The following FRAS1 variants were observed in gnomAD, a reference collection of about 807,000 sequenced individuals.
The protein encoded by FRAS1 is Fraser extracellular matrix complex subunit 1.
Under a neutral mutation model 435.2 loss-of-function variants are expected in FRAS1, and 290 were observed. That is an observed-to-expected ratio of 0.67 (90% CI 0.61 to 0.73). The LOEUF (loss-of-function observed/expected upper bound fraction) is 0.73, where lower values mean the gene tolerates loss of function less well. FRAS1 is among the 30% of genes least tolerant of loss of function. FRAS1 has a pLI of 0.00. For synonymous variants in FRAS1, 1,800 were observed against 1,851.0 expected (o/e 0.97, Z 0.71); for missense variants, 4,860 against 5,001.5 (o/e 0.97, Z 0.85).
chr4:78,488,255 A>C (rs1191274466), intron 58 of FRAS1, among the ~76,000 whole-genome samples: 1 of 152,174 alleles, frequency 6.6e-6, no homozygotes. Context: ...TCTTTTCACT[A>C]TTTTATTTGT....
At chr4:78,434,681 T>G (rs1378886951) in intron 38 of FRAS1, among the ~76,000 whole-genome samples, 2 of 151,954 alleles carry the variant, frequency 1.3e-5, no homozygotes, top group African/African-American at 4.8e-5. Context: ...AAGGAGAATT[T>G]ATCAAGGAGC....
At chr4:78,362,524 G>T (rs1731113093) in intron 20 of FRAS1, among the ~76,000 whole-genome samples, 1 of 152,194 alleles carries the variant, frequency 6.6e-6, no homozygotes, top group Non-Finnish European at 1.5e-5. Flanking sequence ...GCCAAACCAG[G>T]CATGTTGCCT....
At chr4:78,400,995 T>C in intron 30 of FRAS1, 108 bp downstream of exon 30, 2 of 935,776 alleles carry the variant, frequency 2.1e-6, no homozygotes, top group Non-Finnish European at 3.2e-6. Flanking sequence ...AACTGAGCTT[T>C]CTAATACCTT....
At chr4:78,335,608 A>G (rs561196450) in intron 19 of FRAS1, among the ~76,000 whole-genome samples, 2 of 152,324 alleles carry the variant, frequency 1.3e-5, no homozygotes, top group Admixed American at 1.3e-4. Flanking sequence ...GATTATCTTC[A>G]TCATGGAGAC....
At chr4:78,277,820 T>TTC (rs1335602249) in intron 9 of FRAS1, among the ~76,000 whole-genome samples, 1 of 149,562 alleles carries the variant, frequency 6.7e-6, no homozygotes, top group Admixed American at 6.6e-5. Context: ...CACTTATAAT[T>TTC]TTTTTTTTTT....
At chr4:78,290,146 A>G (rs986567339) in intron 14 of FRAS1, among the ~76,000 whole-genome samples, 1 of 152,222 alleles carries the variant, frequency 6.6e-6, no homozygotes, top group Non-Finnish European at 1.5e-5. Context: ...ACCATGTAAG[A>G]TTATGTTAAA....
At chr4:78,210,649 T>C (rs1723464828) in intron 2 of FRAS1, among the ~76,000 whole-genome samples, 1 of 152,186 alleles carries the variant, frequency 6.6e-6, no homozygotes, top group Non-Finnish European at 1.5e-5. Flanking sequence ...GGATGGCTCA[T>C]GTGTCATTGT....
chr4:78,083,840 C>A (rs766967746), intron 2 of FRAS1, among the ~76,000 whole-genome samples: 1 of 151,774 alleles, frequency 6.6e-6, no homozygotes, highest in South Asian at 2.1e-4. Flanking sequence ...CATTAGAGAC[C>A]GGCAAAATGT....
At chr4:78,138,960 C>T (rs574332455) in intron 2 of FRAS1, among the ~76,000 whole-genome samples, 228 of 152,254 alleles carry the variant, frequency 1.5e-3, no homozygotes, top group African/African-American at 5.0e-3. Flanking sequence ...ACTTCTCTTG[C>T]GTGTGTGTAC....
At chr4:78,295,473 A>C (rs1728104007) in intron 14 of FRAS1, among the ~76,000 whole-genome samples, 1 of 152,110 alleles carries the variant, frequency 6.6e-6, no homozygotes, top group Non-Finnish European at 1.5e-5. Flanking sequence ...TTTAATTTTT[A>C]TCTTTTACCT....
At chr4:78,425,108 T>G (rs200242865) in intron 35 of FRAS1, among the ~76,000 whole-genome samples, 4 of 148,666 alleles carry the variant, frequency 2.7e-5, no homozygotes, top group Admixed American at 6.7e-5. Context: ...GGGATAATAA[T>G]AATAATAATA....
chr4:78,534,353 C>G lies in FRAS1; in HGVS notation c.10926-96C>G, dbSNP rs1197581283. On this transcript the variant is annotated intron_variant, in intron 70 of 73. Transcript: ENST00000512123. ...AGTGCCCACAACAAAGCTCTGTGTA[C>G]AATCCTGTGGAGGGTGGGGAAGGGA... 5.2e-6 allele frequency: 5 copies of G among 967,948 alleles called. No individual in the cohort carries two copies. The East Asian group carries it at 1.2e-4, about 23-fold the overall frequency. 60.0% of individuals were successfully genotyped at this position (967,948 alleles called of 1,614,324 possible).
chr4:78,095,989 T>G (rs1243914255), intron 2 of FRAS1, among the ~76,000 whole-genome samples: 1 of 152,156 alleles, frequency 6.6e-6, no homozygotes, highest in African/African-American at 2.4e-5. Context: ...GTCCAAAGTT[T>G]CATCTGAGAC....
intron 72 of FRAS1, among the ~76,000 whole-genome samples, chr4:78,537,945 CAAAAAAAAAAAAG>C (rs990672299): frequency 1.1e-5 from 1 of 91,420 alleles, no homozygotes; most frequent in Non-Finnish European, 2.3e-5. Context: ...GACCCTATCT[CAAAAAAAAAAAAG>C]AAAAAAAAAA....
In FRAS1 at chr4:78,120,018, T is replaced by C. The variant is rs143929308; in HGVS notation, c.108+54002T>C. ...AACAGAATTGTAAAATATGTCTCTT[T>C]GTTTGCTCCTTGTTCTTTTGTCTTA... On this transcript the variant is annotated intron_variant, in intron 2 of 73. Coordinates refer to ENST00000512123, the MANE Select transcript of FRAS1 (RefSeq NM_025074.7). Among the ~76,000 whole-genome samples the C allele has an allele frequency of 1.3e-3, 201 of 152,358 alleles. 1 individual carries two copies. The South Asian group carries it at 0.017, about 13-fold the overall frequency.
intron 34 of FRAS1, among the ~76,000 whole-genome samples, chr4:78,422,543 A>G (rs1733829900): frequency 6.6e-6 from 1 of 151,784 alleles, no homozygotes; most frequent in African/African-American, 2.4e-5. Context: ...TCCCTGAAGG[A>G]AGAGCACTAG....
intron 20 of FRAS1, among the ~76,000 whole-genome samples, chr4:78,344,277 A>G (rs1730513248): frequency 1.3e-5 from 2 of 152,122 alleles, no homozygotes; most frequent in South Asian, 2.1e-4. Context: ...GGCTTATTAT[A>G]TGAAAAGTGC....
chr4:78,065,081 T>TATATACACACAC (rs762909923), intron 1 of FRAS1, among the ~76,000 whole-genome samples: 52 of 125,638 alleles, frequency 4.1e-4, no homozygotes, highest in Admixed American at 2.9e-3. Context: ...TATATATATA[T>TATATACACACAC]ATACATACAC....
At chr4:78,147,373 A>G (rs549743008) in intron 2 of FRAS1, among the ~76,000 whole-genome samples, 1 of 152,342 alleles carries the variant, frequency 6.6e-6, no homozygotes, top group South Asian at 2.1e-4. Context: ...ATGAAATCAC[A>G]TAGGCTTCAG....
Sources: allele counts gnomAD v4.1 joint callset (sites outside exome capture counted in the v4.1 genomes callset), GRCh38; gene constraint gnomAD v4.1.1; transcripts MANE v1.5; gene names NCBI Gene and HGNC (gene_info 2026-07-23, HGNC 2026-07-21).